DNAH6: variants seen among roughly 807,000 people sequenced by gnomAD.
DNAH6 encodes the protein dynein axonemal heavy chain 6, also known as axonemal beta dynein heavy chain 6.
A neutral mutation model predicts 491.4 loss-of-function variants in DNAH6; 340 were observed. That is an observed-to-expected ratio of 0.69 (90% confidence interval 0.63 to 0.76). The LOEUF (loss-of-function observed/expected upper bound fraction) is 0.76. Among genes scored for constraint, DNAH6 ranks in the 30% least tolerant of loss-of-function variants. DNAH6 has a pLI of 0.00. For missense variants in DNAH6, 4,443 were observed against 4,972.2 expected, an observed-to-expected ratio of 0.89 and a Z score of 3.20; for synonymous variants, 1,603 against 1,686.1, an observed-to-expected ratio of 0.95 and a Z score of 1.21.
In DNAH6 at chr2:84,749,735, C is replaced by T. The variant is rs144309945; in HGVS notation, c.10512+4486C>T. ...CTCCAGTGAATATGGACAATAGCTACCAGGTTGGATGGTGAAAACATGAGA... is the reference window on the plus strand; with the variant it reads ...CTCCAGTGAATATGGACAATAGCTATCAGGTTGGATGGTGAAAACATGAGA... On this transcript the variant is annotated intron_variant, in intron 63 of 76. Transcript: ENST00000389394. 4.5e-3 allele frequency among the ~76,000 whole-genome samples: 680 copies of T among 152,190 alleles called. 6 individuals carry two copies. The highest frequency in any genetic ancestry group is 0.015 in the African/African-American group (639 of 41,510).
chr2:84,640,308 T>C (rs1244242760), intron 31 of DNAH6, 122 bp from the exon 32 acceptor site: 7 of 664,108 alleles, frequency 1.1e-5, no homozygotes, highest in African/African-American at 9.3e-5. Flanking sequence ...TGTTTCTTGA[T>C]TAAAAGACAT....
chr2:84,702,135 C>T (rs969626355), intron 49 of DNAH6, among the ~76,000 whole-genome samples: 1 of 152,192 alleles, frequency 6.6e-6, no homozygotes, highest in Non-Finnish European at 1.5e-5. Flanking sequence ...GTGGTTCCGA[C>T]TAAGAGCAAG....
intron 4 of DNAH6, among the ~76,000 whole-genome samples, chr2:84,542,678 T>A (rs183113049): frequency 5.9e-5 from 9 of 152,342 alleles, no homozygotes; most frequent in Admixed American, 5.9e-4. Flanking sequence ...TTTTTGTTAC[T>A]CAGTTTTATT....
intron 4 of DNAH6, among the ~76,000 whole-genome samples, chr2:84,530,472 G>A (rs928112174): frequency 1.3e-5 from 2 of 152,126 alleles, no homozygotes; most frequent in Admixed American, 6.6e-5. Context: ...AGAGGAGGCT[G>A]GTGTGACTAC....
intron 37 of DNAH6, among the ~76,000 whole-genome samples, chr2:84,661,095 G>A (rs1406827408): frequency 6.6e-6 from 1 of 151,726 alleles, no homozygotes. Flanking sequence ...CTTCATCCTT[G>A]CTGCCTTTGG....
chr2:84,782,521 G>T (rs1045729017), intron 65 of DNAH6, among the ~76,000 whole-genome samples: 1 of 152,176 alleles, frequency 6.6e-6, no homozygotes, highest in Non-Finnish European at 1.5e-5. Context: ...AGTCTGCTCT[G>T]GTCACTGAGC....
intron 59 of DNAH6, among the ~76,000 whole-genome samples, chr2:84,721,483 T>C (rs1223185867): frequency 1.3e-5 from 2 of 152,300 alleles, no homozygotes; most frequent in East Asian, 3.9e-4. Context: ...TTATGGTAGG[T>C]AGCCACTAGC....
rs1320405338 is a variant in DNAH6, at chr2:84,692,414, AAGGTAGAT to A, written c.7293-1832_7293-1825del. On this transcript the variant is annotated intron_variant, in intron 45 of 76. Transcript: ENST00000389394. ...TTCTTCAATTATCAACAATATAAAT[AAGGTAGAT>A]AGATAGATAGATAGATAGATAGATA... 8.9e-3 allele frequency among the ~76,000 whole-genome samples: 1,280 copies of A among 144,584 alleles called. 8 individuals are homozygous for A. The highest frequency in any genetic ancestry group is 0.012 in the Non-Finnish European group (811 of 66,550). 94.9% of individuals were successfully genotyped at this position (144,584 alleles called of 152,430 possible).
At position 84,616,900 on chromosome 2, in the gene DNAH6, T is replaced by C; in HGVS notation, c.3490T>C (p.Phe1164Leu). 6.8e-7 allele frequency: 1 copy of C among 1,480,328 alleles called. No homozygotes were observed. The highest frequency in any genetic ancestry group is 2.8e-5 in the Admixed American group (1 of 36,268). 91.7% of individuals were successfully genotyped at this position (1,480,328 alleles called of 1,614,324 possible). The change falls in exon 23 of 77, where the codon TTT becomes CTT. Residue 1164 changes from phenylalanine to leucine, a missense_variant. Physicochemically the swap from Phe to Leu is conservative, Grantham distance 22. This residue lies in a region of DNAH6 where 2,977 missense variants were observed against 3,296.6 expected (regional missense o/e 0.90). Coordinates refer to ENST00000389394, the MANE Select transcript of DNAH6 (RefSeq NM_001370.2). ...TTAATGAACAGGACTTCTGGAAACTTTTCAAAACAATAATGCATTACTTGA... is the reference window on the plus strand; with the variant it reads ...TTAATGAACAGGACTTCTGGAAACTCTTCAAAACAATAATGCATTACTTGA... ...AATQPGLLET[F>L]QNNNALLDQI...
At position 84,653,569 on chromosome 2, in the gene DNAH6, G is replaced by T; in HGVS notation, c.5329G>T (p.Gly1777Trp). 1.9e-6 allele frequency: 3 copies of T among 1,551,294 alleles called. No homozygotes were observed. The highest frequency in any genetic ancestry group is 2.0e-5 in the Admixed American group (1 of 50,962). ...AACTTTAGGGAATTTACAAAAACTTGGGATAGAAAATTCCTTTTACCAAGC... is the reference window on the plus strand; with the variant it reads ...AACTTTAGGGAATTTACAAAAACTTTGGATAGAAAATTCCTTTTACCAAGC... Reference protein sequence around the residue: ...AETLGNLQKLGIENSFYQAVK... With the variant: ...AETLGNLQKLWIENSFYQAVK... The change falls in exon 34 of 77, where the codon GGG (glycine) becomes TGG (tryptophan). Residue 1777 changes from glycine (G) to tryptophan (W), a missense_variant. Around this residue, in one of 3 missense-constraint regions of DNAH6, gnomAD observed 2,977 missense variants for 3,296.6 expected, o/e 0.90. Transcript: ENST00000389394.
the DNAH6 span, among the ~76,000 whole-genome samples, chr2:84,478,805 A>T: frequency 2.6e-5 from 4 of 152,166 alleles, no homozygotes; most frequent in African/African-American, 9.7e-5. Context: ...AGACCACCTG[A>T]GTTCCTGCCC....
chr2:84,629,426 A>G (rs953727976), intron 29 of DNAH6, among the ~76,000 whole-genome samples: 1 of 152,238 alleles, frequency 6.6e-6, no homozygotes, highest in Non-Finnish European at 1.5e-5. Context: ...GTCAGGTTCC[A>G]TAACTGTTGT....
intron 64 of DNAH6, among the ~76,000 whole-genome samples, chr2:84,764,859 G>A (rs992116931): frequency 1.3e-5 from 2 of 151,966 alleles, no homozygotes; most frequent in African/African-American, 4.8e-5. Context: ...ATTCCGTATC[G>A]TTGCTACTGT....
chr2:84,819,412 G>T lies in DNAH6; in HGVS notation c.*4G>T, dbSNP rs1462759844. ...GCTCTGCCAGCTGAGCGAATGAAAAGGTGCCACCTCAGCCCTGAAAAAGAA... is the reference window on the plus strand; with the variant it reads ...GCTCTGCCAGCTGAGCGAATGAAAATGTGCCACCTCAGCCCTGAAAAAGAA... On this transcript the variant is annotated 3_prime_UTR_variant, in exon 77 of 77. Transcript: ENST00000389394. The T allele has an allele frequency of 9.1e-6, 14 of 1,544,776 alleles. No homozygotes were observed. In the East Asian group the frequency reaches 9.8e-5, roughly 11 times the overall value.
intron 75 of DNAH6, among the ~76,000 whole-genome samples, chr2:84,815,286 C>T (rs903154763): frequency 3.3e-5 from 5 of 152,042 alleles, no homozygotes; most frequent in South Asian, 2.1e-4. Context: ...TGCCTGCAGA[C>T]GTGAGGCTCC....
chr2:84,497,840 A>C, the DNAH6 span, among the ~76,000 whole-genome samples: 2 of 152,358 alleles, frequency 1.3e-5, no homozygotes, highest in South Asian at 4.1e-4. Context: ...GCATCTGGGC[A>C]AACTGGCAAT....
At chr2:84,772,678 T>A (rs573190046) in intron 64 of DNAH6, among the ~76,000 whole-genome samples, 40 of 152,226 alleles carry the variant, frequency 2.6e-4, no homozygotes, top group African/African-American at 9.4e-4. Flanking sequence ...AAGGCAGAGA[T>A]AGTTCAATGA....
intron 33 of DNAH6, among the ~76,000 whole-genome samples, chr2:84,651,986 T>C (rs912327033): frequency 1.3e-5 from 2 of 152,062 alleles, no homozygotes; most frequent in Non-Finnish European, 2.9e-5. Flanking sequence ...ATTGCTATTA[T>C]ATAAGATGGT....
intron 63 of DNAH6, among the ~76,000 whole-genome samples, chr2:84,755,422 T>C (rs1027225021): frequency 6.6e-6 from 1 of 152,206 alleles, no homozygotes; most frequent in African/African-American, 2.4e-5. Context: ...TCAAGTATTC[T>C]ATTATAGCAG....
Sources: allele counts gnomAD v4.1 joint callset (sites outside exome capture counted in the v4.1 genomes callset), GRCh38; gene constraint gnomAD v4.1.1; regional missense constraint gnomAD v4.1.1; transcripts MANE v1.5; gene names NCBI Gene and HGNC (gene_info 2026-07-23, HGNC 2026-07-21).